Variants in COMMD10 observed in about 807,000 individuals in gnomAD.
COMMD10 encodes COMM domain-containing protein 10.
In COMMD10, 33 loss-of-function variants were observed where a neutral mutation model predicts 28.9. The ratio of observed to expected loss-of-function variants is 1.14; its 90% confidence interval spans 0.87 to 1.53. The LOEUF is 1.53. Ranked by LOEUF, COMMD10 falls within the 40% of genes most tolerant of loss-of-function variation. The pLI is 0.00. For missense variants in COMMD10, 310 were observed against 233.4 expected (o/e 1.33, Z -2.14); for synonymous variants, 110 against 81.7 (o/e 1.35, Z -1.87).
At chr5:116,139,626 T>A (rs1157993561) in intron 5 of COMMD10, among the ~76,000 whole-genome samples, 1 of 151,632 alleles carries the variant, frequency 6.6e-6, no homozygotes, top group Non-Finnish European at 1.5e-5. Context: ...ACGTATCATA[T>A]CTTTATTAGA....
intron 5 of COMMD10, among the ~76,000 whole-genome samples, chr5:116,166,825 A>T (rs1324132252): frequency 6.6e-6 from 1 of 152,158 alleles, no homozygotes; most frequent in Non-Finnish European, 1.5e-5. Flanking sequence ...ACATCCACAC[A>T]AAAACCCCAT....
intron 5 of COMMD10, among the ~76,000 whole-genome samples, chr5:116,201,640 AGGATGAAATGGT>A (rs537963384): frequency 3.9e-4 from 59 of 152,302 alleles, no homozygotes; most frequent in African/African-American, 1.2e-3. Context: ...ATTTGTTGTT[AGGATGAAATGGT>A]GACTTCCAAG....
intron 4 of COMMD10, among the ~76,000 whole-genome samples, chr5:116,123,057 G>GT (rs1422557505): frequency 3.9e-5 from 6 of 152,166 alleles, no homozygotes; most frequent in African/African-American, 1.2e-4. Flanking sequence ...TCTTGTGCTA[G>GT]TTTTCAAAGG....
intron 5 of COMMD10, among the ~76,000 whole-genome samples, chr5:116,213,119 A>G (rs576759171): frequency 2.0e-5 from 3 of 152,212 alleles, no homozygotes; most frequent in South Asian, 4.1e-4. Context: ...CTAGAATACC[A>G]TTATGATATA....
intron 5 of COMMD10, among the ~76,000 whole-genome samples, chr5:116,177,504 C>G (rs1205938810): frequency 6.8e-6 from 1 of 146,074 alleles, no homozygotes; most frequent in Non-Finnish European, 1.5e-5. Flanking sequence ...ATGATACTTT[C>G]CTGCTTAAAA....
intron 4 of COMMD10, among the ~76,000 whole-genome samples, chr5:116,095,998 T>A (rs894418852): frequency 6.6e-6 from 1 of 152,114 alleles, no homozygotes; most frequent in Non-Finnish European, 1.5e-5. Context: ...CACACTGCCT[T>A]AATTATTATA....
At chr5:116,257,191 C>T (rs1750311592) in intron 5 of COMMD10, among the ~76,000 whole-genome samples, 1 of 143,806 alleles carries the variant, frequency 7.0e-6, no homozygotes. Flanking sequence ...GACAGCAACC[C>T]ATCACATAAG....
chr5:116,173,569 A>C lies in COMMD10; in HGVS notation c.510+39391A>C, dbSNP rs530415011. Among the ~76,000 whole-genome samples the C allele has an allele frequency of 2.0e-5, 3 of 152,272 alleles. No homozygotes were observed. In the East Asian group the frequency reaches 5.8e-4, roughly 29 times the overall value. On this transcript the variant is annotated intron_variant, in intron 5 of 6. Transcript: ENST00000274458. ...TTTAAAAAAGACTATTTCATCCTCT[A>C]TAATGAAGTACTTAGTGTTTGCCAT...
chr5:116,216,460 C>G (rs1749102377), intron 5 of COMMD10, among the ~76,000 whole-genome samples: 2 of 152,296 alleles, frequency 1.3e-5, no homozygotes, highest in African/African-American at 4.8e-5. Flanking sequence ...CATATTTTCA[C>G]TAGAACTATT....
chr5:116,196,508 T>TTA (rs2112618468), intron 5 of COMMD10, among the ~76,000 whole-genome samples: 2 of 147,654 alleles, frequency 1.4e-5, no homozygotes, highest in East Asian at 3.9e-4. Flanking sequence ...ATAAATATGT[T>TTA]AAAAAAAAAA....
At chr5:116,280,262 T>C (rs1172824000) in intron 5 of COMMD10, among the ~76,000 whole-genome samples, 1 of 151,830 alleles carries the variant, frequency 6.6e-6, no homozygotes, top group African/African-American at 2.4e-5. Flanking sequence ...GAAAGAATCT[T>C]GGGTAGCCAG....
intron 5 of COMMD10, among the ~76,000 whole-genome samples, chr5:116,206,431 A>T (rs1479330305): frequency 6.6e-6 from 1 of 152,144 alleles, no homozygotes; most frequent in Admixed American, 6.5e-5. Flanking sequence ...TGGGCAGATC[A>T]CCTGAGGTCA....
At chr5:116,161,303 T>G (rs1427996361) in intron 5 of COMMD10, among the ~76,000 whole-genome samples, 1 of 152,180 alleles carries the variant, frequency 6.6e-6, no homozygotes, top group Non-Finnish European at 1.5e-5. Context: ...TTGTGAGAAT[T>G]GACTAAGATA....
chr5:116,211,791 C>G (rs1433975845), intron 5 of COMMD10, among the ~76,000 whole-genome samples: 1 of 152,090 alleles, frequency 6.6e-6, no homozygotes, highest in South Asian at 2.1e-4. Flanking sequence ...CACACGCACA[C>G]TCTCTCACAG....
Position 116,161,077 on chromosome 5 carries a change from C to T in COMMD10, c.510+26899C>T, listed in dbSNP as rs145135134. On this transcript the variant is annotated intron_variant, in intron 5 of 6. Coordinates refer to ENST00000274458, the MANE Select transcript of COMMD10 (RefSeq NM_016144.4). ...ATAAAATATTTATGGGCCCATGAAG[C>T]CTGCCGGTTGGTTGGTTTGTTTTTG... Among the ~76,000 whole-genome samples, 281 of 151,978 alleles carry T rather than the reference C, an allele frequency of 1.8e-3. 3 individuals are homozygous for T. Among genetic ancestry groups the T allele is most frequent in the African/African-American group, 6.4e-3 (265 of 41,458 alleles).
At chr5:116,116,116 A>G (rs1048777234) in intron 4 of COMMD10, among the ~76,000 whole-genome samples, 2 of 152,190 alleles carry the variant, frequency 1.3e-5, no homozygotes, top group African/African-American at 2.4e-5. Flanking sequence ...TTCTTGAGAA[A>G]TCTACATGAA....
chr5:116,290,977 C>T (rs767235138), intron 5 of COMMD10, among the ~76,000 whole-genome samples: 2 of 152,140 alleles, frequency 1.3e-5, no homozygotes, highest in Non-Finnish European at 2.9e-5. Context: ...GTGTTTAAGT[C>T]CTGACTTTGA....
At chr5:116,196,255 C>CTGTCTTAAACT (rs1561661886) in intron 5 of COMMD10, among the ~76,000 whole-genome samples, 1 of 152,032 alleles carries the variant, frequency 6.6e-6, no homozygotes, top group African/African-American at 2.4e-5. Flanking sequence ...AATGGAAAAC[C>CTGTCTTAAACT]GACCATTGTG....
intron 5 of COMMD10, among the ~76,000 whole-genome samples, chr5:116,279,771 A>G (rs1483564664): frequency 6.6e-6 from 1 of 151,864 alleles, no homozygotes; most frequent in East Asian, 1.9e-4. Flanking sequence ...GGTGTAACAG[A>G]TACAAAGAGA....
Sources: allele counts gnomAD v4.1 joint callset (sites outside exome capture counted in the v4.1 genomes callset), GRCh38; gene constraint gnomAD v4.1.1; transcripts MANE v1.5; gene names NCBI Gene and HGNC (gene_info 2026-07-23, HGNC 2026-07-21).